The following SCAND3 variants were observed in gnomAD, a reference collection of about 807,000 sequenced individuals.
The protein encoded by SCAND3 is SCAN domain containing 3, also known as SCAN domain-containing protein 3.
chr6:28,605,024 T>A, the SCAND3 span, among the ~76,000 whole-genome samples: 1 of 152,204 alleles, frequency 6.6e-6, no homozygotes, highest in Admixed American at 6.5e-5. Flanking sequence ...TTTTGGCCCA[T>A]AACAAGAGTG....
the SCAND3 span, among the ~76,000 whole-genome samples, chr6:28,582,397 G>GA: frequency 3.0e-4 from 45 of 152,114 alleles, no homozygotes; most frequent in African/African-American, 1.0e-3. This position sits in a 1 kb window ranked among gnomAD's most constrained non-coding sequence, Gnocchi z 4.8. Flanking sequence ...TCTTAAGGGG[G>GA]AAAAAAACTA....
the SCAND3 span, chr6:28,575,036 ACTCTTTGTCAGC>A: frequency 6.2e-7 from 1 of 1,613,918 alleles, no homozygotes; most frequent in Non-Finnish European, 8.5e-7. This position sits in a 1 kb window ranked among gnomAD's most constrained non-coding sequence, Gnocchi z 4.2. Context: ...GTATTTTCTA[ACTCTTTGTCAGC>A]CTGATCTAAT....
the SCAND3 span, among the ~76,000 whole-genome samples, chr6:28,601,338 G>A: frequency 6.6e-6 from 1 of 152,182 alleles, no homozygotes; most frequent in Admixed American, 6.5e-5. Context: ...AAATAAGAAT[G>A]GTAAATGCTA....
At chr6:28,589,382 C>T in the SCAND3 span, 1 of 152,000 alleles carries the variant, frequency 6.6e-6, no homozygotes, top group Non-Finnish European at 1.5e-5. Context: ...TGTGGTTGGT[C>T]CCATGGTGTA....
the SCAND3 span, among the ~76,000 whole-genome samples, chr6:28,583,180 C>T: frequency 1.3e-5 from 2 of 152,036 alleles, no homozygotes; most frequent in African/African-American, 4.8e-5. Flanking sequence ...ATCACGAGGT[C>T]AGGAGACTGA....
chr6:28,609,148 A>C, the SCAND3 span, among the ~76,000 whole-genome samples: 2 of 152,192 alleles, frequency 1.3e-5, no homozygotes, highest in Non-Finnish European at 2.9e-5. Flanking sequence ...ATTGTAATGG[A>C]GGTATTAGCT....
chr6:28,571,856 C>G, the SCAND3 span: 1 of 1,571,398 alleles, frequency 6.4e-7, no homozygotes, highest in Non-Finnish European at 8.6e-7. Context: ...TCCTCACACT[C>G]AATGCTTATA....
At chr6:28,586,718 C>T in the SCAND3 span, 3 of 1,611,874 alleles carry the variant, frequency 1.9e-6, no homozygotes, top group African/African-American at 2.7e-5. This position sits in a 1 kb window ranked among gnomAD's most constrained non-coding sequence, Gnocchi z 4.4. Flanking sequence ...CTGCTTCCAT[C>T]CCGAGCTTAG....
chr6:28,608,591 G>A, the SCAND3 span, among the ~76,000 whole-genome samples: 1 of 152,108 alleles, frequency 6.6e-6, no homozygotes, highest in Non-Finnish European at 1.5e-5. Flanking sequence ...ATGAAATATT[G>A]ATTAAATACA....
chr6:28,602,150 T>G, the SCAND3 span, among the ~76,000 whole-genome samples: 1 of 152,228 alleles, frequency 6.6e-6, no homozygotes, highest in Non-Finnish European at 1.5e-5. Flanking sequence ...TTATTTATTT[T>G]TTCTGATGGG....
chr6:28,592,739 A>G, the SCAND3 span, among the ~76,000 whole-genome samples: 408 of 152,316 alleles, frequency 2.7e-3, 1 homozygote, highest in Middle Eastern at 0.014. The surrounding 1 kb of genome is among the most constrained non-coding windows in gnomAD (Gnocchi z 4.1). Flanking sequence ...CCTTTGAAAG[A>G]GAATAGAAAG....
At chr6:28,588,517 GA>G in the SCAND3 span, among the ~76,000 whole-genome samples, 3 of 152,240 alleles carry the variant, frequency 2.0e-5, no homozygotes, top group Non-Finnish European at 4.4e-5. This position sits in a 1 kb window ranked among gnomAD's most constrained non-coding sequence, Gnocchi z 4.1. Context: ...GGCAAGAAGT[GA>G]AGTTTCTTCA....
At chr6:28,580,989 G>C in the SCAND3 span, among the ~76,000 whole-genome samples, 1 of 152,068 alleles carries the variant, frequency 6.6e-6, no homozygotes, top group East Asian at 1.9e-4. Flanking sequence ...CTTCAAACTG[G>C]TCATGACAGT....
chr6:28,594,342 C>T, the SCAND3 span: 1 of 152,234 alleles, frequency 6.6e-6, no homozygotes, highest in African/African-American at 2.4e-5. Context: ...AAGTGTCCAT[C>T]ATCAGATGGA....
At chr6:28,592,018 C>G in the SCAND3 span, among the ~76,000 whole-genome samples, 2 of 152,112 alleles carry the variant, frequency 1.3e-5, no homozygotes, top group Non-Finnish European at 2.9e-5. The surrounding 1 kb of genome is among the most constrained non-coding windows in gnomAD (Gnocchi z 4.1). Context: ...TGATTATATC[C>G]ATAGATACGG....
At chr6:28,574,649 C>T in the SCAND3 span, 1 of 1,612,184 alleles carries the variant, frequency 6.2e-7, no homozygotes. Context: ...CTTACCCAGT[C>T]TCCTACTTTG....
chr6:28,572,498 C>G, the SCAND3 span: 5 of 1,613,406 alleles, frequency 3.1e-6, no homozygotes, highest in South Asian at 1.1e-5. The surrounding 1 kb of genome is among the most constrained non-coding windows in gnomAD (Gnocchi z 4.1). Flanking sequence ...TCAACTTTAT[C>G]TGCCATTGAA....
the SCAND3 span, among the ~76,000 whole-genome samples, chr6:28,610,775 T>A: frequency 6.6e-6 from 1 of 152,178 alleles, no homozygotes. Context: ...ATGAGTATTC[T>A]GATAACCAAG....
chr6:28,582,683 G>A, the SCAND3 span, among the ~76,000 whole-genome samples: 1 of 152,134 alleles, frequency 6.6e-6, no homozygotes, highest in East Asian at 1.9e-4. The surrounding 1 kb of genome is among the most constrained non-coding windows in gnomAD (Gnocchi z 4.8). Context: ...AGCACTTTGG[G>A]AGGCTGACGC....
Sources: allele counts gnomAD v4.1 joint callset (sites outside exome capture counted in the v4.1 genomes callset), GRCh38; gene constraint gnomAD v4.1.1; non-coding constraint Gnocchi (gnomAD v3.1); transcripts MANE v1.5; gene names NCBI Gene and HGNC (gene_info 2026-07-23, HGNC 2026-07-21).